The following NAPB variants were observed in gnomAD, a reference collection of about 807,000 sequenced individuals.
NAPB encodes the protein NSF attachment protein beta.
A neutral mutation model predicts 44.7 loss-of-function variants in NAPB; 26 were observed. The observed-to-expected ratio is 0.58, with a 90% confidence interval of 0.43 to 0.81. The LOEUF (loss-of-function observed/expected upper bound fraction) is 0.81, where lower values mean the gene tolerates loss of function less well. Among genes scored for constraint, NAPB ranks in the 30% least tolerant of loss-of-function variants. The pLI is 0.00. For synonymous variants in NAPB, 120 were observed against 116.8 expected, an observed-to-expected ratio of 1.03 and a Z score of -0.18; for missense variants, 315 against 356.4, an observed-to-expected ratio of 0.88 and a Z score of 0.94.
intron 5 of NAPB, among the ~76,000 whole-genome samples, chr20:23,393,494 T>A (rs1260866442): frequency 6.6e-6 from 1 of 151,954 alleles, no homozygotes; most frequent in East Asian, 1.9e-4. Flanking sequence ...GAGGTAGGGG[T>A]AGCATTTGTT....
intron 7 of NAPB, among the ~76,000 whole-genome samples, chr20:23,385,801 G>T (rs1202469257): frequency 2.6e-5 from 4 of 151,856 alleles, no homozygotes; most frequent in Non-Finnish European, 5.9e-5. Context: ...AAGAAAGAAA[G>T]ATCAGCAAGT....
At chr20:23,406,679 A>C (rs990613611) in intron 1 of NAPB, among the ~76,000 whole-genome samples, 1 of 152,202 alleles carries the variant, frequency 6.6e-6, no homozygotes, top group African/African-American at 2.4e-5. Context: ...CCTAAATGGA[A>C]AATTCCTCAC....
chr20:23,383,410 C>T (rs1283735201), intron 7 of NAPB, among the ~76,000 whole-genome samples: 1 of 151,860 alleles, frequency 6.6e-6, no homozygotes, highest in Non-Finnish European at 1.5e-5. Context: ...TGACAGCAGA[C>T]TTCTTATCAA....
intron 3 of NAPB, chr20:23,396,658 T>C (rs1162669517): frequency 6.6e-6 from 1 of 152,388 alleles, no homozygotes; most frequent in African/African-American, 2.4e-5. Context: ...AATATTACAA[T>C]CTCCCATTAA....
chr20:23,390,649 G>T (rs1983876580), intron 5 of NAPB, among the ~76,000 whole-genome samples: 1 of 152,202 alleles, frequency 6.6e-6, no homozygotes, highest in Non-Finnish European at 1.5e-5. Flanking sequence ...AGCTAGGAGG[G>T]CTATGACCAA....
intron 8 of NAPB, 58 bp from the exon 9 acceptor site, chr20:23,379,993 C>T: frequency 7.1e-7 from 1 of 1,400,540 alleles, no homozygotes; most frequent in Non-Finnish European, 1.0e-6. Context: ...AAGCTTTCAA[C>T]ATTCTATCAG....
At chr20:23,419,111 T>G (rs1986211688) in intron 1 of NAPB, among the ~76,000 whole-genome samples, 1 of 152,228 alleles carries the variant, frequency 6.6e-6, no homozygotes, top group Non-Finnish European at 1.5e-5. Context: ...CCAAATGTTT[T>G]ATAAACATAA....
chr20:23,409,191 G>A (rs993535684), intron 1 of NAPB, among the ~76,000 whole-genome samples: 15 of 152,198 alleles, frequency 9.9e-5, no homozygotes, highest in African/African-American at 3.4e-4. Flanking sequence ...CCAGTAAGGG[G>A]AGCGCTGTCT....
intron 1 of NAPB, 21 bp from the exon 2 acceptor site, chr20:23,403,093 A>C (rs1296967939): frequency 1.3e-6 from 2 of 1,578,594 alleles, no homozygotes; most frequent in Admixed American, 3.4e-5. Flanking sequence ...GTTAAAAATT[A>C]GATTTTTAAC....
At chr20:23,395,338 T>G (rs935573121) in intron 3 of NAPB, among the ~76,000 whole-genome samples, 153 bp from the exon 4 acceptor site, 4 of 152,172 alleles carry the variant, frequency 2.6e-5, no homozygotes, top group Non-Finnish European at 5.9e-5. Context: ...ACAAAAATCA[T>G]GCACAAGTCC....
At position 23,395,197 on chromosome 20, in the gene NAPB, G is replaced by T; in HGVS notation, c.296-12C>A. The T allele has an allele frequency of 6.2e-7, 1 of 1,613,948 alleles. No homozygotes were observed. The highest frequency in any genetic ancestry group is 8.5e-7 in the Non-Finnish European group (1 of 1,179,874). On this transcript the variant is annotated splice_polypyrimidine_tract_variant and intron_variant, in intron 3 of 10. Transcript: ENST00000377026. ...GCAGTTGATAGCCTCTGAAGCGTAGGCATTTAAGAAAAACAATGAAAAATC... is the reference window on the plus strand; with the variant it reads ...GCAGTTGATAGCCTCTGAAGCGTAGTCATTTAAGAAAAACAATGAAAAATC...
intron 7 of NAPB, among the ~76,000 whole-genome samples, chr20:23,382,835 T>C (rs765111543): frequency 1.3e-5 from 2 of 152,048 alleles, no homozygotes; most frequent in South Asian, 2.1e-4. Context: ...TTTTGTGGCA[T>C]CTGTGTTCTA....
rs1159212716 is a variant in NAPB at position 23,418,700 on chromosome 20, G to A, written c.98+2605C>T. On this transcript the variant is annotated intron_variant, in intron 1 of 10. Transcript: ENST00000377026. ...CGTCTGTAATCCCAGCACTTTGGGAGGCCAAGGCAGGTGGATCACGAGGTC... is the reference window on the plus strand; with the variant it reads ...CGTCTGTAATCCCAGCACTTTGGGAAGCCAAGGCAGGTGGATCACGAGGTC... Among the ~76,000 whole-genome samples, 4 of 152,054 alleles carry A rather than the reference G, an allele frequency of 2.6e-5. No homozygotes were observed. In the South Asian group the frequency reaches 8.3e-4, roughly 32 times the overall value.
chr20:23,408,440 G>A (rs1985412568), intron 1 of NAPB, among the ~76,000 whole-genome samples: 1 of 152,142 alleles, frequency 6.6e-6, no homozygotes, highest in Non-Finnish European at 1.5e-5. Context: ...AAAATAATAA[G>A]CAAATGTAGA....
chr20:23,411,352 A>C (rs1600598064), intron 1 of NAPB, among the ~76,000 whole-genome samples: 2 of 152,198 alleles, frequency 1.3e-5, no homozygotes, highest in African/African-American at 4.8e-5. Flanking sequence ...TCAGGCTAAG[A>C]CTTCAACAGC....
chr20:23,389,873 CA>C (rs1015651729), intron 7 of NAPB, 72 bp downstream of exon 7: 4 of 1,337,196 alleles, frequency 3.0e-6, no homozygotes, highest in Non-Finnish European at 4.2e-6. Context: ...TCTCAATAAA[CA>C]GAAAAATAAA....
intron 7 of NAPB, among the ~76,000 whole-genome samples, chr20:23,389,255 A>G (rs1983770956): frequency 6.9e-6 from 1 of 144,618 alleles, no homozygotes; most frequent in Admixed American, 7.0e-5. Flanking sequence ...AAAAAAAACC[A>G]AAACAAGTAT....
intron 2 of NAPB, among the ~76,000 whole-genome samples, chr20:23,398,183 T>A (rs1464547267): frequency 6.6e-6 from 1 of 152,088 alleles, no homozygotes; most frequent in African/African-American, 2.4e-5. Flanking sequence ...AGAGTGCCTC[T>A]GAAAAATGAG....
chr20:23,410,880 T>G (rs994606414), intron 1 of NAPB, among the ~76,000 whole-genome samples: 3 of 152,156 alleles, frequency 2.0e-5, no homozygotes, highest in African/African-American at 7.2e-5. Context: ...AAACTCATCA[T>G]GGAAATACAC....
Sources: allele counts gnomAD v4.1 joint callset (sites outside exome capture counted in the v4.1 genomes callset), GRCh38; gene constraint gnomAD v4.1.1; transcripts MANE v1.5; gene names NCBI Gene and HGNC (gene_info 2026-07-23, HGNC 2026-07-21).